The following CDH12 variants were observed in gnomAD, a reference collection of about 807,000 sequenced individuals.
The protein encoded by CDH12 is cadherin-12.
In CDH12, 41 loss-of-function variants were observed where a neutral mutation model predicts 74.1. The observed-to-expected ratio is 0.55, with a 90% confidence interval of 0.43 to 0.72. The LOEUF (loss-of-function observed/expected upper bound fraction) is 0.72. Ranked by LOEUF, CDH12 falls within the 30% of genes least tolerant of loss-of-function variation. CDH12 has a pLI of 0.00. For synonymous variants in CDH12, 399 were observed against 355.0 expected, an observed-to-expected ratio of 1.12 and a Z score of -1.39; for missense variants, 945 against 977.2, an observed-to-expected ratio of 0.97 and a Z score of 0.44.
intron 3 of CDH12, among the ~76,000 whole-genome samples, chr5:22,377,895 A>G (rs1015254043): frequency 3.9e-5 from 6 of 152,198 alleles, no homozygotes; most frequent in Admixed American, 3.3e-4. Flanking sequence ...AATTCATACT[A>G]TGCTACATTG....
chr5:22,468,901 C>T (rs1017523840), intron 2 of CDH12, among the ~76,000 whole-genome samples: 2 of 152,164 alleles, frequency 1.3e-5, no homozygotes, highest in African/African-American at 4.8e-5. Flanking sequence ...AATAATCTCA[C>T]ATGATACACT....
chr5:22,753,423 C>T (rs575185835), intron 1 of CDH12, among the ~76,000 whole-genome samples: 146 of 143,106 alleles, frequency 1.0e-3, no homozygotes, highest in African/African-American at 3.8e-3. Flanking sequence ...GGAGACAGAG[C>T]GAGACTGTGT....
chr5:21,891,185 CA>C (rs1752882316), intron 6 of CDH12, among the ~76,000 whole-genome samples: 1 of 151,994 alleles, frequency 6.6e-6, no homozygotes, highest in South Asian at 2.1e-4. Context: ...TATCTAAGAT[CA>C]GCCTAACAAT....
chr5:22,462,428 G>A (rs1580674503), intron 2 of CDH12, among the ~76,000 whole-genome samples: 1 of 152,248 alleles, frequency 6.6e-6, no homozygotes, highest in East Asian at 1.9e-4. Flanking sequence ...CTGCAACAAA[G>A]CCTGAGTTAA....
At chr5:22,311,241 A>G (rs1738376476) in intron 3 of CDH12, among the ~76,000 whole-genome samples, 1 of 152,190 alleles carries the variant, frequency 6.6e-6, no homozygotes, top group Non-Finnish European at 1.5e-5. Flanking sequence ...ATTAGGAGCA[A>G]TTACAAGTAG....
chr5:22,698,726 TATATATATA>T lies in CDH12; in HGVS notation c.-523+154323_-523+154331del, dbSNP rs1561586051. 5.5e-3 allele frequency among the ~76,000 whole-genome samples: 89 copies of T among 16,278 alleles called. 3 individuals carry two copies. The highest frequency in any genetic ancestry group is 7.8e-3 in the East Asian group (2 of 256). The allele number at this position is 16,278 out of a possible 152,430, so 10.7% of individuals were successfully genotyped here. On this transcript the variant is annotated intron_variant, in intron 1 of 14. Coordinates refer to ENST00000382254, the MANE Select transcript of CDH12 (RefSeq NM_004061.5). Reference sequence around the variant, plus strand: ...ATATATATATATATATATATATATATATATATATAGTGTGTGTGTGTGTGTGTGTGTGTG... The same window carrying T: ...ATATATATATATATATATATATATATGTGTGTGTGTGTGTGTGTGTGTGTG...
chr5:22,447,924 T>C (rs1269639461), intron 2 of CDH12, among the ~76,000 whole-genome samples: 4 of 147,764 alleles, frequency 2.7e-5, no homozygotes, highest in Non-Finnish European at 5.9e-5. Flanking sequence ...GGAGTATCAC[T>C]TGAGCCAGGA....
chr5:22,690,413 T>C (rs749684793), intron 1 of CDH12, among the ~76,000 whole-genome samples: 30 of 152,166 alleles, frequency 2.0e-4, no homozygotes, highest in Non-Finnish European at 4.4e-4. Context: ...GAATCCATAA[T>C]ATTTTAAAGG....
At chr5:22,128,701 C>T (rs1410939427) in intron 4 of CDH12, among the ~76,000 whole-genome samples, 3 of 152,160 alleles carry the variant, frequency 2.0e-5, no homozygotes, top group South Asian at 4.1e-4. Context: ...ATTTTTCCCA[C>T]TTCTTCTCCC....
chr5:22,667,726 T>G (rs1740694709), intron 1 of CDH12, among the ~76,000 whole-genome samples: 1 of 152,204 alleles, frequency 6.6e-6, no homozygotes, highest in African/African-American at 2.4e-5. Context: ...GGTTAAAAGC[T>G]TCATGGAATT....
chr5:22,644,849 A>T lies in CDH12; in HGVS notation c.-522-139485T>A, dbSNP rs563687525. Among the ~76,000 whole-genome samples, 219 of 152,112 alleles carry T rather than the reference A, an allele frequency of 1.4e-3. No homozygotes were observed. In the Middle Eastern group the frequency reaches 0.02, roughly 14 times the overall value. On this transcript the variant is annotated intron_variant, in intron 1 of 14. Coordinates refer to ENST00000382254, the MANE Select transcript of CDH12 (RefSeq NM_004061.5). ...GCCAGTGATCATTTACTATTCTGAA[A>T]ATCCTAGGGCCTTTAAGAACTATTT...
At position 22,245,482 on chromosome 5, in the gene CDH12, T is replaced by C. The variant is rs149164178; in HGVS notation, c.-332-32839A>G. Among the ~76,000 whole-genome samples the C allele has an allele frequency of 1.3e-3, 204 of 152,124 alleles. 1 individual carries two copies. The highest frequency in any genetic ancestry group is 4.6e-3 in the African/African-American group (190 of 41,504). ...AAATATAATCTTGGTATTGATTTGA[T>C]AGTAAGCGATAGATGCTAAATATAG... is the stretch of plus-strand genomic sequence containing the variant. On this transcript the variant is annotated intron_variant, in intron 3 of 14. Coordinates refer to ENST00000382254, the MANE Select transcript of CDH12 (RefSeq NM_004061.5).
In CDH12 at chr5:22,229,380, A is replaced by T. The variant is rs578211361; in HGVS notation, c.-332-16737T>A. Reference sequence around the variant, plus strand: ...TTTTACAAAAAAAAAATGACTAGACATTAAGAATAACATAGGATTTGGGGC... The same window carrying T: ...TTTTACAAAAAAAAAATGACTAGACTTTAAGAATAACATAGGATTTGGGGC... On this transcript the variant is annotated intron_variant, in intron 3 of 14. Coordinates refer to ENST00000382254, the MANE Select transcript of CDH12 (RefSeq NM_004061.5). Among the ~76,000 whole-genome samples the T allele has an allele frequency of 2.0e-5, 3 of 149,984 alleles. No homozygotes were observed. The South Asian group carries it at 6.3e-4, about 32-fold the overall frequency.
intron 2 of CDH12, among the ~76,000 whole-genome samples, chr5:22,477,410 T>C (rs1399479005): frequency 1.3e-5 from 2 of 152,318 alleles, no homozygotes; most frequent in East Asian, 3.9e-4. Context: ...CTACAAAGGA[T>C]ATGATCTCAT....
intron 4 of CDH12, among the ~76,000 whole-genome samples, chr5:22,173,660 A>G (rs1211649136): frequency 6.6e-6 from 1 of 151,580 alleles, no homozygotes; most frequent in Non-Finnish European, 1.5e-5. Context: ...CTTTTATTAT[A>G]TTGTTTGTCT....
intron 4 of CDH12, among the ~76,000 whole-genome samples, chr5:22,167,688 G>A (rs2150325033): frequency 6.6e-6 from 1 of 152,152 alleles, no homozygotes; most frequent in Non-Finnish European, 1.5e-5. Context: ...GCTATAAATA[G>A]TTAATAACAT....
intron 3 of CDH12, among the ~76,000 whole-genome samples, chr5:22,386,287 A>G (rs1220600835): frequency 6.6e-6 from 1 of 152,170 alleles, no homozygotes. Context: ...ATCTCCCACT[A>G]GGCCTCTCCT....
At chr5:22,549,031 C>T (rs1738449841) in intron 1 of CDH12, among the ~76,000 whole-genome samples, 1 of 152,152 alleles carries the variant, frequency 6.6e-6, no homozygotes, top group African/African-American at 2.4e-5. Flanking sequence ...TCTTGACCTC[C>T]CGGCCTCAAG....
chr5:21,897,669 G>A (rs948440992), intron 6 of CDH12, among the ~76,000 whole-genome samples: 1 of 152,082 alleles, frequency 6.6e-6, no homozygotes, highest in Non-Finnish European at 1.5e-5. Flanking sequence ...CAATAAAACT[G>A]CTTTTATAGT....
Sources: gnomAD v4.1 joint callset for allele counts (sites outside exome capture counted in the v4.1 genomes callset) on GRCh38, gnomAD v4.1.1 for gene constraint, MANE v1.5 for transcripts, NCBI Gene and HGNC (gene_info 2026-07-23, HGNC 2026-07-21) for gene names.